ZNF497: variants seen among roughly 807,000 people sequenced by gnomAD.
ZNF497 encodes zinc finger protein 497, also known as zinc finger-like protein.
For synonymous variants in ZNF497, 422 were observed against 313.7 expected, an observed-to-expected ratio of 1.35 and a Z score of -3.65; for missense variants, 930 against 714.0, an observed-to-expected ratio of 1.30 and a Z score of -3.45.
At position 58,356,201 on chromosome 19, in the gene ZNF497, A is replaced by C. The variant is rs138064254; in HGVS notation, c.1435T>G (p.Phe479Val). The stretch of plus-strand genomic sequence containing the variant: ...TCGTTGAGGTTGCAACGGTGGCTGA[A>C]AGGCTTCCCGCACTCGCCGCAAGCG... ...PYACGECGKP[F>V]SHRCNLNEHQ... The change falls in exon 3 of 3, where the codon TTC becomes GTC. Residue 479 changes from phenylalanine to valine, a missense_variant. Transcript: ENST00000311044. 6.3e-7 allele frequency: 1 copy of C among 1,599,238 alleles called. No homozygotes were observed. Among genetic ancestry groups the C allele is most frequent in the South Asian group, 1.1e-5 (1 of 90,432 alleles).
intron 2 of ZNF497, chr19:58,357,862 GGGCCACGT>G (rs777954779): frequency 1.7e-5 from 22 of 1,322,224 alleles, no homozygotes; most frequent in Non-Finnish European, 2.2e-5. Context: ...CTGCCTGACA[GGGCCACGT>G]GCACATCCCC....
At chr19:58,361,382 A>C (rs988930046) in intron 1 of ZNF497, among the ~76,000 whole-genome samples, 1 of 151,610 alleles carries the variant, frequency 6.6e-6, no homozygotes, top group Non-Finnish European at 1.5e-5. Flanking sequence ...TTTGAGACAG[A>C]GTCTCGCTCT....
Position 58,354,892 on chromosome 19 carries a change from T to C in ZNF497, c.*1247A>G, listed in dbSNP as rs142304605. The stretch of plus-strand genomic sequence containing the variant: ...AACAGTGACAGAACCTTTCAGCCCA[T>C]TGGCAATGAGGCTGCCCAGGCAGCC... On this transcript the variant is annotated 3_prime_UTR_variant, in exon 3 of 3. Coordinates refer to ENST00000311044, the MANE Select transcript of ZNF497 (RefSeq NM_198458.3). The C allele has an allele frequency of 3.3e-5, 5 of 152,484 alleles. No individual in the cohort carries two copies. Among genetic ancestry groups the C allele is most frequent in the African/African-American group, 7.2e-5 (3 of 41,588 alleles). 9.4% of individuals were successfully genotyped at this position (152,484 alleles called of 1,614,324 possible).
At chr19:58,360,110 G>A (rs2148009198) in intron 1 of ZNF497, among the ~76,000 whole-genome samples, 1 of 152,284 alleles carries the variant, frequency 6.6e-6, no homozygotes, top group Non-Finnish European at 1.5e-5. Context: ...GAAATGTCCA[G>A]AACAGATAAG....
At chr19:58,359,084 C>A in intron 1 of ZNF497, 1 of 820,710 alleles carries the variant, frequency 1.2e-6, no homozygotes, top group South Asian at 1.4e-5. Flanking sequence ...AGGCATCAGC[C>A]ACTGGCAACA....
At position 58,356,538 on chromosome 19, in the gene ZNF497, G is replaced by A. The variant is rs1413972426; in HGVS notation, c.1098C>T (p.Ala366=). 7 of 1,548,742 alleles carry A rather than the reference G, an allele frequency of 4.5e-6. No homozygotes were observed. Among genetic ancestry groups the A allele is most frequent in the East Asian group, 4.8e-5 (2 of 41,376 alleles). ...KPHACAQCGK[A]FSQRSNLLSH... ...TCAGTAGGTTGGAGCGCTGGCTGAAGGCCTTGCCGCACTGGGCGCACGCAT... is the reference window on the plus strand; with the variant it reads ...TCAGTAGGTTGGAGCGCTGGCTGAAAGCCTTGCCGCACTGGGCGCACGCAT... The change falls in exon 3 of 3, where the codon GCC becomes GCT. Residue 366 remains alanine, a synonymous_variant. Transcript: ENST00000311044.
rs757110578 is a variant in ZNF497 at position 58,356,187 on chromosome 19, G to A, written c.1449C>T (p.Cys483=). ...GECGKPFSHR[C]NLNEHQKRHG... is the part of the protein sequence containing the mutation. ...GCCGCTTCTGGTGCTCGTTGAGGTT[G>A]CAACGGTGGCTGAAAGGCTTCCCGC... The change falls in exon 3 of 3, where the codon TGC becomes TGT. Residue 483 remains cysteine, a synonymous_variant. Transcript: ENST00000311044. 1.3e-6 allele frequency: 2 copies of A among 1,593,252 alleles called. No individual in the cohort carries two copies. The highest frequency in any genetic ancestry group is 1.7e-6 in the Non-Finnish European group (2 of 1,167,934).
chr19:58,357,288 G>A lies in ZNF497; in HGVS notation c.348C>T (p.Ser116=), dbSNP rs754068404. Residue 116 remains serine (S), a synonymous_variant, in exon 3 of 3, where the codon AGC becomes AGT. Transcript: ENST00000311044. ...GATGCTGCAGCAAGTAAGAGCCCTGGCTGAACGCCTTGCCGCACTCCCCGC... is the reference window on the plus strand; with the variant it reads ...GATGCTGCAGCAAGTAAGAGCCCTGACTGAACGCCTTGCCGCACTCCCCGC... ...CRCGECGKAF[S]QGSYLLQHRR... 6.2e-7 allele frequency: 1 copy of A among 1,612,098 alleles called. No homozygotes were observed.
At chr19:58,359,365 G>A (rs961987780) in intron 1 of ZNF497, 4 of 834,874 alleles carry the variant, frequency 4.8e-6, no homozygotes, top group East Asian at 6.3e-5. Flanking sequence ...GCAAGGCCAC[G>A]AAGGTCCCCT....
At position 58,356,714 on chromosome 19, in the gene ZNF497, C is replaced by A. The variant is rs1484268614; in HGVS notation, c.922G>T (p.Gly308Ter). The A allele has an allele frequency of 1.3e-6, 2 of 1,568,522 alleles. No homozygotes were observed. Among genetic ancestry groups the A allele is most frequent in the East Asian group, 2.3e-5 (1 of 42,790 alleles). ...SEKPFPCAECGKAFRESSQLL... is the reference protein window; with the variant it reads ...SEKPFPCAEC The stretch of plus-strand genomic sequence containing the variant: ...TGCGAGCTCTCGCGGAAAGCCTTTC[C>A]GCACTCGGCGCAGGGGAAGGGCTTC... The change falls in exon 3 of 3, where the codon GGA becomes TGA. Residue 308 changes from glycine (G) to a stop codon, truncating the protein, a stop_gained. Coordinates refer to ENST00000311044, the MANE Select transcript of ZNF497 (RefSeq NM_198458.3). LOFTEE classifies it low-confidence loss of function (END_TRUNC).
At chr19:58,360,872 C>A (rs1436443685) in intron 1 of ZNF497, among the ~76,000 whole-genome samples, 1 of 147,184 alleles carries the variant, frequency 6.8e-6, no homozygotes, top group Non-Finnish European at 1.5e-5. Context: ...AGCTCTGCCT[C>A]CCGGGTTCAT....
chr19:58,361,511 C>T (rs1316720210), intron 1 of ZNF497, among the ~76,000 whole-genome samples: 1 of 152,102 alleles, frequency 6.6e-6, no homozygotes, highest in African/African-American at 2.4e-5. Context: ...CACCAGCCTC[C>T]ACACCCGCCT....
intron 1 of ZNF497, chr19:58,358,905 G>A (rs1197940479): frequency 2.2e-6 from 1 of 455,276 alleles, no homozygotes; most frequent in Admixed American, 2.4e-5. Context: ...CCACTCATCT[G>A]GAGTCCTGGC....
chr19:58,356,574 G>A lies in ZNF497; in HGVS notation c.1062C>T (p.Gly354=), dbSNP rs1201948429. 4.5e-6 allele frequency: 7 copies of A among 1,548,526 alleles called. No individual in the cohort carries two copies. The highest frequency in any genetic ancestry group is 1.9e-5 in the Admixed American group (1 of 51,852). ...ACTGGGCGCACGCATGAGGCTTCTC[G>A]CCCGTGTGCACGCGCCGGTGCTCCG... is the stretch of plus-strand genomic sequence containing the variant. The part of the protein sequence containing the change: ...YLAEHRRVHT[G]EKPHACAQCG... Residue 354 remains glycine (G), a synonymous_variant, in exon 3 of 3, where the codon GGC becomes GGT. Transcript: ENST00000311044.
chr19:58,356,725 C>A lies in ZNF497; in HGVS notation c.911G>T (p.Cys304Phe). ...RTHSSEKPFP[C>F]AECGKAFRES... ...GCGGAAAGCCTTTCCGCACTCGGCG[C>A]AGGGGAAGGGCTTCTCGCTGCTGTG... Residue 304 changes from cysteine (C) to phenylalanine (F), a missense_variant, in exon 3 of 3, where the codon TGC becomes TTC. Transcript: ENST00000311044. 1 of 1,571,872 alleles carries A rather than the reference C, an allele frequency of 6.4e-7. No individual in the cohort carries two copies. Among genetic ancestry groups the A allele is most frequent in the Non-Finnish European group, 8.6e-7 (1 of 1,165,510 alleles).
At position 58,356,951 on chromosome 19, in the gene ZNF497, A is replaced by C. The variant is rs1041446049; in HGVS notation, c.685T>G (p.Trp229Gly). ...CGGTGCTCCAGGAAATTGGAGTTCC[A>C]GCTGAAGGCCTTGCCGCACTCCGGG... ...ECPECGKAFS[W>G]NSNFLEHRRV... Residue 229 changes from tryptophan to glycine, a missense_variant, in exon 3 of 3, where the codon TGG becomes GGG. Trp to Gly is a radical substitution (Grantham distance 184). Transcript: ENST00000311044. 3 of 1,586,996 alleles carry C rather than the reference A, an allele frequency of 1.9e-6. No homozygotes were observed. The highest frequency in any genetic ancestry group is 1.1e-5 in the South Asian group (1 of 89,608).
Position 58,356,962 on chromosome 19 carries a change from T to C in ZNF497, c.674A>G (p.Lys225Arg). ...GAAATTGGAGTTCCAGCTGAAGGCC[T>C]TGCCGCACTCCGGGCACTCGTAGGG... Reference protein sequence around the residue: ...EKPYECPECGKAFSWNSNFLE... With the variant: ...EKPYECPECGRAFSWNSNFLE... The change falls in exon 3 of 3, where the codon AAG (lysine) becomes AGG (arginine). Residue 225 changes from lysine to arginine, a missense_variant. Transcript: ENST00000311044. The C allele has an allele frequency of 6.2e-7, 1 of 1,606,878 alleles. No individual in the cohort carries two copies. Among genetic ancestry groups the C allele is most frequent in the African/African-American group, 1.3e-5 (1 of 74,864 alleles).
rs1192865026 is a variant in ZNF497 at position 58,357,531 on chromosome 19, A to G, written c.105T>C (p.Ser35=). 3 of 1,606,772 alleles carry G rather than the reference A, an allele frequency of 1.9e-6. No individual in the cohort carries two copies. The highest frequency in any genetic ancestry group is 1.7e-6 in the Non-Finnish European group (2 of 1,177,012). Residue 35 remains serine, a synonymous_variant, in exon 3 of 3, where the codon TCT becomes TCC. Transcript: ENST00000311044. ...AGTTTTCCCAGGCCCCCCAGCCTCC[A>G]GACACAGCCCCCTCAGAGAGGCCCC... is the stretch of plus-strand genomic sequence containing the variant. ...ATRGLSEGAV[S]GGWGAWENST... is the part of the protein sequence containing the mutation.
At position 58,357,447 on chromosome 19, in the gene ZNF497, C is replaced by T. The variant is rs1210584223; in HGVS notation, c.189G>A (p.Ala63=). 7.5e-6 allele frequency: 12 copies of T among 1,600,432 alleles called. No individual in the cohort carries two copies. The South Asian group carries it at 8.9e-5, about 12-fold the overall frequency. ...TGCCGGGGCCTCCCTGTTCGTCCGC[C>T]GCCCCCAGTGTGGCTTGCTGCCGCT... is the stretch of plus-strand genomic sequence containing the variant. ...DGQRQQATLG[A]ADEQGGPGRE... Residue 63 remains alanine (A), a synonymous_variant, in exon 3 of 3, where the codon GCG becomes GCA. Transcript: ENST00000311044.
Sources: allele counts gnomAD v4.1 joint callset (sites outside exome capture counted in the v4.1 genomes callset), GRCh38; gene constraint gnomAD v4.1.1; transcripts MANE v1.5; gene names NCBI Gene and HGNC (gene_info 2026-07-23, HGNC 2026-07-21).